Variants in EXOC3L2 observed in about 807,000 individuals in gnomAD.
EXOC3L2 encodes the protein exocyst complex component 3-like protein 2.
In EXOC3L2, 17 loss-of-function variants were observed where a neutral mutation model predicts 44.4. The ratio of observed to expected loss-of-function variants is 0.38; its 90% CI spans 0.26 to 0.57. The LOEUF (loss-of-function observed/expected upper bound fraction) is 0.57. EXOC3L2 is among the 20% of genes least tolerant of loss of function. The pLI, the probability that EXOC3L2 is intolerant of heterozygous loss-of-function variation, is 0.65. For synonymous variants in EXOC3L2, 256 were observed against 253.7 expected (o/e 1.01, Z -0.09); for missense variants, 541 against 588.4 (o/e 0.92, Z 0.83).
intron 8 of EXOC3L2, 60 bp from the exon 9 acceptor site, chr19:45,218,379 G>C (rs1298854763): frequency 1.4e-6 from 2 of 1,433,922 alleles, no homozygotes; most frequent in African/African-American, 2.9e-5. Context: ...TCTTCACTTA[G>C]GAATAAGTTC....
At chr19:45,240,234 A>G (rs1970120028) in intron 1 of EXOC3L2, among the ~76,000 whole-genome samples, 1 of 151,450 alleles carries the variant, frequency 6.6e-6, no homozygotes, top group Admixed American at 6.6e-5. Context: ...CCTCCTCAGC[A>G]GCTGGGACTA....
At position 45,227,701 on chromosome 19, in the gene EXOC3L2, C is replaced by T. The variant is rs1264818047; in HGVS notation, c.1544G>A (p.Ser515Asn). The T allele has an allele frequency of 6.2e-7, 1 of 1,612,898 alleles. No homozygotes were observed. The highest frequency in any genetic ancestry group is 1.7e-5 in the Admixed American group (1 of 59,890). ...VREMLPDTYI[S>N]KTIALVNCGP... The stretch of plus-strand genomic sequence containing the variant: ...GCAGTTGACCAGGGCGATGGTCTTG[C>T]TGATATAGGTGTCAGGTAGCATCTC... Residue 515 changes from serine (S) to asparagine (N), a missense_variant, in exon 7 of 12, where the codon AGC (serine) becomes AAC (asparagine). Physicochemically the swap from Ser to Asn is conservative, Grantham distance 46. Coordinates refer to ENST00000413988, the MANE Select transcript of EXOC3L2 (RefSeq NM_001382422.1).
chr19:45,225,656 CTT>C (rs1969952405), intron 7 of EXOC3L2, among the ~76,000 whole-genome samples: 1 of 128,412 alleles, frequency 7.8e-6, no homozygotes, highest in African/African-American at 2.9e-5. Flanking sequence ...CAGTTTTGCT[CTT>C]GTTGCCCAGG....
chr19:45,225,807 GA>G (rs1434418678), intron 7 of EXOC3L2, among the ~76,000 whole-genome samples: 1 of 151,884 alleles, frequency 6.6e-6, no homozygotes, highest in African/African-American at 2.4e-5. Flanking sequence ...ATTTTTAGTA[GA>G]GACAGGTTTT....
intron 8 of EXOC3L2, among the ~76,000 whole-genome samples, chr19:45,219,393 C>CAAAAAAAAAAAA (rs950797638): frequency 0.018 from 932 of 51,434 alleles, 43 homozygotes; most frequent in African/African-American, 0.03. Context: ...GGCCCCGTCT[C>CAAAAAAAAAAAA]AAAAAAAAAA....
chr19:45,218,866 G>C (rs992556467), intron 8 of EXOC3L2, among the ~76,000 whole-genome samples: 1 of 152,132 alleles, frequency 6.6e-6, no homozygotes, highest in Non-Finnish European at 1.5e-5. Flanking sequence ...GGTAGGCCGA[G>C]GCAGGAGGGT....
Position 45,224,766 on chromosome 19 carries a change from C to T in EXOC3L2, c.1719+12G>A, listed in dbSNP as rs1969937048. 5 of 1,548,502 alleles carry T rather than the reference C, an allele frequency of 3.2e-6. No homozygotes were observed. Among genetic ancestry groups the T allele is most frequent in the Non-Finnish European group, 4.4e-6 (5 of 1,145,424 alleles). On this transcript the variant is annotated intron_variant, in intron 8 of 11. Coordinates refer to ENST00000413988, the MANE Select transcript of EXOC3L2 (RefSeq NM_001382422.1). ...GGCATGGGCCCCAACCCTGGCCTCC[C>T]ACCTCACTCACCTGCAGCTCCTGGA...
At chr19:45,237,697 T>G (rs1970095824) in intron 2 of EXOC3L2, among the ~76,000 whole-genome samples, 1 of 151,826 alleles carries the variant, frequency 6.6e-6, no homozygotes, top group African/African-American at 2.4e-5. Flanking sequence ...GGGATTGAAT[T>G]ACGTCCCCCC....
rs1423054783 is a variant in EXOC3L2 at position 45,217,424 on chromosome 19, C to T, written c.1998+104G>A. 5 of 1,346,204 alleles carry T rather than the reference C, an allele frequency of 3.7e-6. No homozygotes were observed. The Admixed American group carries it at 1.3e-4, about 35-fold the overall frequency. The allele number at this position is 1,346,204 out of a possible 1,614,324, so 83.4% of individuals were successfully genotyped here. Reference sequence around the variant, plus strand: ...CCCGAAGTTGGGTGAGAGTTTCTGTCCTGAGCTCTGCCCCTCTCCCCCTGG... The same window carrying T: ...CCCGAAGTTGGGTGAGAGTTTCTGTTCTGAGCTCTGCCCCTCTCCCCCTGG... On this transcript the variant is annotated intron_variant, in intron 10 of 11. Transcript: ENST00000413988.
At chr19:45,214,847 T>C (rs1969816723) in intron 11 of EXOC3L2, among the ~76,000 whole-genome samples, 1 of 152,036 alleles carries the variant, frequency 6.6e-6, no homozygotes, top group South Asian at 2.1e-4. Context: ...GATATTTCAA[T>C]AGCTTTAATT....
In EXOC3L2 at chr19:45,217,585, G is replaced by T; in HGVS notation, c.1941C>A (p.Arg647=). 1 of 1,540,826 alleles carries T rather than the reference G, an allele frequency of 6.5e-7. No individual in the cohort carries two copies. Among genetic ancestry groups the T allele is most frequent in the South Asian group, 1.2e-5 (1 of 84,184 alleles). The change falls in exon 10 of 12, where the codon CGC becomes CGA. Residue 647 remains arginine (R), a synonymous_variant. Transcript: ENST00000413988. ...CGTCCTCCCGGAGCCTGCCGGCCAC[G>T]CGGCTGCGGGTCCGCGCCGAGCTGC... ...LRCSSARTRS[R]VAGRLREDAA...
rs1359180175 is a variant in EXOC3L2 at position 45,227,650 on chromosome 19, G to A, written c.1583+12C>T. On this transcript the variant is annotated intron_variant, in intron 7 of 11. Coordinates refer to ENST00000413988, the MANE Select transcript of EXOC3L2 (RefSeq NM_001382422.1). ...ATTGGTCCTCCCTCCATCACACCAT[G>A]GATGCCCTCACCTCAGTGGGGGGCC... 34 of 1,603,854 alleles carry A rather than the reference G, an allele frequency of 2.1e-5. No homozygotes were observed. Among genetic ancestry groups the A allele is most frequent in the Non-Finnish European group, 2.9e-5 (34 of 1,175,730 alleles).
chr19:45,221,036 G>T (rs574250376), intron 8 of EXOC3L2, among the ~76,000 whole-genome samples: 1 of 144,836 alleles, frequency 6.9e-6, no homozygotes, highest in African/African-American at 2.5e-5. Context: ...TGAGACAGGG[G>T]CGGGGGGAGG....
chr19:45,228,715 T>C (rs1969994473), intron 4 of EXOC3L2, among the ~76,000 whole-genome samples: 1 of 151,672 alleles, frequency 6.6e-6, no homozygotes, highest in Non-Finnish European at 1.5e-5. Flanking sequence ...GAGGTTGCAG[T>C]GAGTGGAGAT....
intron 9 of EXOC3L2, 39 bp downstream of exon 9, chr19:45,218,158 T>TGGGC: frequency 3.9e-6 from 4 of 1,034,904 alleles, no homozygotes; most frequent in East Asian, 3.0e-5. Context: ...TCCCCTCTTT[T>TGGGC]CCCCCACCCC....
At chr19:45,221,615 A>G (rs955418191) in intron 8 of EXOC3L2, among the ~76,000 whole-genome samples, 18 of 144,798 alleles carry the variant, frequency 1.2e-4, no homozygotes, top group South Asian at 2.2e-4. Flanking sequence ...TGCTGAGATT[A>G]TAGGTGTGAG....
Position 45,234,828 on chromosome 19 carries a change from TGCGGGAGCAAA to T in EXOC3L2, c.524-13_524-3del. The T allele has an allele frequency of 5.1e-6, 2 of 392,914 alleles. No individual in the cohort carries two copies. The allele number at this position is 392,914 out of a possible 1,614,324, so 24.3% of individuals were successfully genotyped here. On this transcript the variant is annotated splice_region_variant and splice_polypyrimidine_tract_variant and intron_variant, in intron 2 of 11. Coordinates refer to ENST00000413988, the MANE Select transcript of EXOC3L2 (RefSeq NM_001382422.1). The surrounding 1 kb of genome is among the most constrained non-coding windows in gnomAD (Gnocchi z 5.0). Reference sequence around the variant, plus strand: ...GGATCAGGCTCAGGATCTCCAGCACTGCGGGAGCAAAGCGGGAGGTCAGCAGTGCGCGGGGG... The same window carrying T: ...GGATCAGGCTCAGGATCTCCAGCACTGCGGGAGGTCAGCAGTGCGCGGGGG...
At chr19:45,243,220 G>A (rs1970144230) in intron 1 of EXOC3L2, among the ~76,000 whole-genome samples, 1 of 152,172 alleles carries the variant, frequency 6.6e-6, no homozygotes, top group Admixed American at 6.5e-5. Flanking sequence ...ATTGTGTAAA[G>A]GGTCAGATGT....
intron 1 of EXOC3L2, among the ~76,000 whole-genome samples, chr19:45,242,808 G>A (rs1970140603): frequency 2.8e-5 from 4 of 142,860 alleles, no homozygotes. Flanking sequence ...GCTGCAGTGA[G>A]CCCAGACTGT....
Sources: allele counts gnomAD v4.1 joint callset (sites outside exome capture counted in the v4.1 genomes callset), GRCh38; gene constraint gnomAD v4.1.1; non-coding constraint Gnocchi (gnomAD v3.1); transcripts MANE v1.5; gene names NCBI Gene and HGNC (gene_info 2026-07-23, HGNC 2026-07-21).